Variants in ANK2 observed in about 807,000 individuals in gnomAD.
ANK2 encodes the protein ankyrin-2.
A neutral mutation model predicts 360.5 loss-of-function variants in ANK2; 83 were observed. That is an observed-to-expected ratio of 0.23 (90% confidence interval 0.19 to 0.28). The LOEUF (loss-of-function observed/expected upper bound fraction) is 0.28. Among genes scored for constraint, ANK2 ranks in the 10% least tolerant of loss-of-function variants. The pLI, the probability that ANK2 is intolerant of heterozygous loss-of-function variation, is 1.00. For missense variants in ANK2, 4,201 were observed against 4,795.7 expected, an observed-to-expected ratio of 0.88 and a Z score of 3.66; for synonymous variants, 1,740 against 1,759.5, an observed-to-expected ratio of 0.99 and a Z score of 0.28.
At chr4:113,179,459 A>T (rs1274291749) in intron 2 of ANK2, among the ~76,000 whole-genome samples, 2 of 152,218 alleles carry the variant, frequency 1.3e-5, no homozygotes, top group Non-Finnish European at 2.9e-5. Context: ...TAATTCCCAA[A>T]TACTATTTTG....
intron 37 of ANK2, chr4:113,350,654 A>G (rs766110703): frequency 1.6e-5 from 3 of 184,294 alleles, no homozygotes; most frequent in Non-Finnish European, 3.4e-5. Flanking sequence ...TAGAGAGCTC[A>G]TTATTTTTGT....
intron 2 of ANK2, among the ~76,000 whole-genome samples, chr4:112,957,007 GTTTTTT>G (rs56066718): frequency 1.8e-4 from 12 of 66,480 alleles, no homozygotes; most frequent in African/African-American, 4.8e-4. Context: ...TATTGCTCTT[GTTTTTT>G]TTTTTTTTTT....
rs572353889 is a variant in ANK2, at chr4:113,127,022, A to G, written c.85-47394A>G. Among the ~76,000 whole-genome samples the G allele has an allele frequency of 4.0e-5, 6 of 151,748 alleles. No homozygotes were observed. In the South Asian group the frequency reaches 6.2e-4, roughly 16 times the overall value. On this transcript the variant is annotated intron_variant, in intron 1 of 45. Transcript: ENST00000357077. ...CTGAAACAATTTAGTCACTCCAATG[A>G]TCTTTAAAAGTTTGTAAAACTTTAT...
At position 113,357,956 on chromosome 4, in the gene ANK2, G is replaced by A. The variant is rs2154028770; in HGVS notation, c.9338G>A (p.Arg3113Gln). ...GAAGGAAAATTGTTTGAAATGACCC[G>A]AAGTGGTGCCATTGATATGACCAAA... Reference protein sequence around the residue: ...FQEGKLFEMTRSGAIDMTKRS... With the variant: ...FQEGKLFEMTQSGAIDMTKRS... Residue 3113 changes from arginine (R) to glutamine (Q), a missense_variant, in exon 38 of 46, where the codon CGA becomes CAA. Arg to Gln is a conservative substitution (Grantham distance 43). Coordinates refer to ENST00000357077, the MANE Select transcript of ANK2 (RefSeq NM_001148.6). The A allele has an allele frequency of 6.2e-7, 1 of 1,614,056 alleles. No individual in the cohort carries two copies. The highest frequency in any genetic ancestry group is 8.5e-7 in the Non-Finnish European group (1 of 1,179,964).
chr4:113,252,009 A>G (rs1241741566), intron 10 of ANK2, among the ~76,000 whole-genome samples: 1 of 152,106 alleles, frequency 6.6e-6, no homozygotes, highest in South Asian at 2.1e-4. Flanking sequence ...ACTGATAAAG[A>G]CATACTTGAG....
chr4:112,728,078 A>G, the ANK2 span, among the ~76,000 whole-genome samples: 2 of 152,040 alleles, frequency 1.3e-5, no homozygotes, highest in Non-Finnish European at 1.5e-5. Context: ...GCGGATCACA[A>G]GGTCAGGAGT....
At chr4:113,325,581 T>C (rs956744239) in intron 26 of ANK2, among the ~76,000 whole-genome samples, 2 of 152,200 alleles carry the variant, frequency 1.3e-5, no homozygotes, top group Non-Finnish European at 2.9e-5. Context: ...TTTTTATATC[T>C]TATTTAAGTA....
chr4:112,854,741 G>A (rs2065911978), intron 1 of ANK2, among the ~76,000 whole-genome samples: 1 of 152,162 alleles, frequency 6.6e-6, no homozygotes, highest in Non-Finnish European at 1.5e-5. Flanking sequence ...ATTATAATGA[G>A]TTCATAGTGG....
At chr4:113,144,782 T>G (rs1487356390) in intron 1 of ANK2, among the ~76,000 whole-genome samples, 1 of 147,410 alleles carries the variant, frequency 6.8e-6, no homozygotes, top group African/African-American at 2.5e-5. Flanking sequence ...ATATACTACT[T>G]AAACTATATA....
intron 2 of ANK2, among the ~76,000 whole-genome samples, chr4:112,982,186 T>TAAA (rs746807680): frequency 0.012 from 1,801 of 151,590 alleles, 18 homozygotes; most frequent in African/African-American, 0.021. Context: ...GAAGAAAAAT[T>TAAA]TTTTTTTAAT....
the ANK2 span, among the ~76,000 whole-genome samples, chr4:112,714,046 C>T: frequency 6.6e-6 from 1 of 151,662 alleles, no homozygotes; most frequent in African/African-American, 2.4e-5. Flanking sequence ...GCGTCCTTGT[C>T]AACATTTGAT....
chr4:112,761,291 C>G, the ANK2 span, among the ~76,000 whole-genome samples: 1 of 152,052 alleles, frequency 6.6e-6, no homozygotes, highest in Admixed American at 6.6e-5. Flanking sequence ...TCTATGGTGT[C>G]TTAAACAGTG....
the ANK2 span, among the ~76,000 whole-genome samples, chr4:112,784,535 G>A: frequency 6.6e-6 from 1 of 151,870 alleles, no homozygotes; most frequent in East Asian, 1.9e-4. Context: ...AGTAGAGACG[G>A]GGTTTCACCA....
Position 113,353,329 on chromosome 4 carries a change from T to C in ANK2, c.4711T>C (p.Cys1571Arg). The change falls in exon 38 of 46, where the codon TGC becomes CGC. Residue 1571 changes from cysteine to arginine, a missense_variant. Cys to Arg is a radical substitution (Grantham distance 180). Transcript: ENST00000357077. ...GAATGAAATCCTGAGAAGTGGAACC[T>C]GCACAAGAGATGAAAGCAGTGTGCA... ...KVNEILRSGT[C>R]TRDESSVQSS... The C allele has an allele frequency of 3.1e-6, 5 of 1,613,958 alleles. No homozygotes were observed. Among genetic ancestry groups the C allele is most frequent in the Non-Finnish European group, 4.2e-6 (5 of 1,179,938 alleles).
At chr4:113,185,696 A>G (rs1472878636) in intron 2 of ANK2, among the ~76,000 whole-genome samples, 1 of 152,162 alleles carries the variant, frequency 6.6e-6, no homozygotes, top group East Asian at 1.9e-4. Context: ...TTCACTGTGC[A>G]GAAGCTCTTT....
intron 18 of ANK2, 85 bp downstream of exon 18, chr4:113,282,957 G>C: frequency 6.9e-7 from 1 of 1,446,384 alleles, no homozygotes; most frequent in Non-Finnish European, 9.6e-7. Context: ...GAACAAAAAG[G>C]AGCAATGTAT....
chr4:113,356,585 A>C lies in ANK2; in HGVS notation c.7967A>C (p.Glu2656Ala). Reference sequence around the variant, plus strand: ...GGTGTCCCTGTGTTAGTAACTTCGGAGAGCAGGAAGGTGTCTTCCTCCTCA... The same window carrying C: ...GGTGTCCCTGTGTTAGTAACTTCGGCGAGCAGGAAGGTGTCTTCCTCCTCA... ...ESGVPVLVTS[E>A]SRKVSSSSES... Residue 2656 changes from glutamate (E) to alanine (A), a missense_variant, in exon 38 of 46, where the codon GAG becomes GCG. Physicochemically the swap from Glu to Ala is moderately radical, Grantham distance 107. Transcript: ENST00000357077. 1.2e-6 allele frequency: 2 copies of C among 1,614,078 alleles called. No individual in the cohort carries two copies. Among genetic ancestry groups the C allele is most frequent in the Non-Finnish European group, 1.7e-6 (2 of 1,179,974 alleles).
At chr4:113,154,517 A>G (rs558746133) in intron 1 of ANK2, among the ~76,000 whole-genome samples, 1 of 152,356 alleles carries the variant, frequency 6.6e-6, no homozygotes, top group Non-Finnish European at 1.5e-5. Flanking sequence ...AATGTCACAT[A>G]GCACATGAGA....
chr4:112,997,866 TAC>T (rs149196220), intron 2 of ANK2, among the ~76,000 whole-genome samples: 4 of 150,800 alleles, frequency 2.7e-5, no homozygotes, highest in South Asian at 4.2e-4. Flanking sequence ...CACATATATA[TAC>T]ACACACACAC....
Sources: gnomAD v4.1 joint callset for allele counts (sites outside exome capture counted in the v4.1 genomes callset) on GRCh38, gnomAD v4.1.1 for gene constraint, MANE v1.5 for transcripts, NCBI Gene and HGNC (gene_info 2026-07-23, HGNC 2026-07-21) for gene names.